RAB38: variants seen among roughly 807,000 people sequenced by gnomAD.
The protein encoded by RAB38 is RAB38, member RAS oncogene family, also known as ras-related protein Rab-38.
In RAB38, 15 loss-of-function variants were observed where a neutral mutation model predicts 18.4. That is an observed-to-expected ratio of 0.82 (90% CI 0.55 to 1.26). RAB38 has a LOEUF of 1.26. Among genes scored for constraint, RAB38 ranks in the 50% most tolerant of loss-of-function variants. The pLI, the probability that RAB38 is intolerant of heterozygous loss-of-function variation, is 0.00. For synonymous variants in RAB38, 101 were observed against 104.4 expected (o/e 0.97, Z 0.20); for missense variants, 294 against 267.4 (o/e 1.10, Z -0.69).
At chr11:88,116,049 T>C (rs986533183) in intron 2 of RAB38, among the ~76,000 whole-genome samples, 1 of 152,212 alleles carries the variant, frequency 6.6e-6, no homozygotes, top group African/African-American at 2.4e-5. Context: ...CTTAAAGTCA[T>C]TGCCTGTGCT....
the RAB38 span, among the ~76,000 whole-genome samples, chr11:88,097,105 T>A: frequency 6.6e-6 from 1 of 151,938 alleles, no homozygotes; most frequent in African/African-American, 2.4e-5. Flanking sequence ...AATACTGGAC[T>A]CTCTAAATTA....
chr11:88,175,164 C>A lies in RAB38; in HGVS notation c.202+19G>T, dbSNP rs770423162. On this transcript the variant is annotated intron_variant, in intron 1 of 2. Transcript: ENST00000243662. ...CCGCGAGGCGCTCTATCCCCCTGAC[C>A]CCCTCCCCCCGCGCTCACCTGCGAT... 1 of 1,572,512 alleles carries A rather than the reference C, an allele frequency of 6.4e-7. No individual in the cohort carries two copies. Among genetic ancestry groups the A allele is most frequent in the African/African-American group, 1.3e-5 (1 of 74,148 alleles).
chr11:88,110,401 T>G (rs1942457507), downstream of RAB38, among the ~76,000 whole-genome samples: 1 of 152,036 alleles, frequency 6.6e-6, no homozygotes, highest in Admixed American at 6.6e-5. Context: ...AGGGATAGCA[T>G]TAGGAGAAAT....
At chr11:88,076,793 C>CAAA in the RAB38 span, among the ~76,000 whole-genome samples, 387 of 128,260 alleles carry the variant, frequency 3.0e-3, 4 homozygotes, top group South Asian at 0.031. Flanking sequence ...ACTTAAAATA[C>CAAA]AAAAAAAAAA....
the RAB38 span, among the ~76,000 whole-genome samples, chr11:88,023,964 C>T: frequency 3.3e-5 from 5 of 152,130 alleles, no homozygotes; most frequent in Admixed American, 1.3e-4. Flanking sequence ...ATTGAGGAAA[C>T]TCTCCAGGAC....
the RAB38 span, among the ~76,000 whole-genome samples, chr11:87,905,782 A>G: frequency 6.6e-6 from 1 of 151,930 alleles, no homozygotes; most frequent in Admixed American, 6.6e-5. Context: ...TCAGCCAAAG[A>G]CTAAATAGGA....
chr11:88,024,083 G>T, the RAB38 span, among the ~76,000 whole-genome samples: 1 of 151,830 alleles, frequency 6.6e-6, no homozygotes. Context: ...CATAGTGAAG[G>T]AAACACTCAA....
At chr11:88,006,830 G>A in the RAB38 span, among the ~76,000 whole-genome samples, 6 of 151,378 alleles carry the variant, frequency 4.0e-5, no homozygotes, top group Non-Finnish European at 8.9e-5. Flanking sequence ...GTAGAATAGT[G>A]GTTATCAGAG....
At chr11:88,024,652 G>A in the RAB38 span, among the ~76,000 whole-genome samples, 3 of 152,148 alleles carry the variant, frequency 2.0e-5, no homozygotes, top group Admixed American at 6.5e-5. Flanking sequence ...ATTAGCAGAT[G>A]AATGAATAAA....
At chr11:88,063,440 A>G in the RAB38 span, among the ~76,000 whole-genome samples, 764 of 152,304 alleles carry the variant, frequency 5.0e-3, 4 homozygotes, top group Middle Eastern at 0.01. Context: ...CCAAGGAGAA[A>G]AATGCATGAA....
chr11:87,854,146 G>GT, the RAB38 span, among the ~76,000 whole-genome samples: 3 of 152,028 alleles, frequency 2.0e-5, no homozygotes, highest in East Asian at 1.9e-4. Context: ...TTTTGTTTTG[G>GT]TTTTTTTGCC....
At chr11:88,063,166 ACTATAT>A in the RAB38 span, among the ~76,000 whole-genome samples, 1 of 152,210 alleles carries the variant, frequency 6.6e-6, no homozygotes, top group Non-Finnish European at 1.5e-5. Flanking sequence ...AGAATTTACA[ACTATAT>A]CTATAATATA....
At chr11:88,063,114 G>C in the RAB38 span, among the ~76,000 whole-genome samples, 3 of 152,158 alleles carry the variant, frequency 2.0e-5, no homozygotes, top group Non-Finnish European at 4.4e-5. Flanking sequence ...TATATCAAGA[G>C]AGAGTCATGG....
At chr11:87,920,990 G>A in the RAB38 span, among the ~76,000 whole-genome samples, 2 of 151,926 alleles carry the variant, frequency 1.3e-5, no homozygotes, top group Non-Finnish European at 2.9e-5. Flanking sequence ...AAGACCAAGG[G>A]GCTGGCATCT....
At chr11:87,908,574 A>T in the RAB38 span, among the ~76,000 whole-genome samples, 1 of 152,056 alleles carries the variant, frequency 6.6e-6, no homozygotes, top group African/African-American at 2.4e-5. Flanking sequence ...CCCAAGTGGT[A>T]GAACTTCATT....
At chr11:88,079,437 A>C in the RAB38 span, among the ~76,000 whole-genome samples, 52 of 151,918 alleles carry the variant, frequency 3.4e-4, no homozygotes, top group Admixed American at 9.2e-4. Context: ...AAATCTACCC[A>C]TAAGGAACTC....
the RAB38 span, among the ~76,000 whole-genome samples, chr11:87,893,975 G>A: frequency 3.3e-5 from 5 of 151,584 alleles, no homozygotes; most frequent in Non-Finnish European, 5.9e-5. Flanking sequence ...TCTTGATAGC[G>A]ACTGCATTGA....
the RAB38 span, among the ~76,000 whole-genome samples, chr11:87,870,825 G>T: frequency 1.3e-5 from 2 of 151,546 alleles, no homozygotes; most frequent in African/African-American, 4.8e-5. Flanking sequence ...TGGTGTTTGT[G>T]TATGGAATAA....
the RAB38 span, chr11:87,917,915 A>C: frequency 6.6e-6 from 1 of 152,040 alleles, no homozygotes; most frequent in African/African-American, 2.4e-5. Flanking sequence ...AATAAAAGAA[A>C]GGGGGAGATT....
Sources: gnomAD v4.1 joint callset for allele counts (sites outside exome capture counted in the v4.1 genomes callset) on GRCh38, gnomAD v4.1.1 for gene constraint, MANE v1.5 for transcripts, NCBI Gene and HGNC (gene_info 2026-07-23, HGNC 2026-07-21) for gene names.